Variants in INPP4A observed in about 807,000 individuals in gnomAD.
The protein encoded by INPP4A is inositol polyphosphate-4-phosphatase, type I, 107kD.
INPP4A carries 33 observed loss-of-function variants against 119.8 expected under a neutral mutation model. The ratio of observed to expected loss-of-function variants is 0.28; its 90% CI spans 0.21 to 0.37. The LOEUF is 0.37. Among genes scored for constraint, INPP4A ranks in the 10% least tolerant of loss-of-function variants. The pLI, the probability that INPP4A is intolerant of heterozygous loss-of-function variation, is 1.00. For synonymous variants in INPP4A, 496 were observed against 500.7 expected, an observed-to-expected ratio of 0.99 and a Z score of 0.12; for missense variants, 956 against 1,289.9, an observed-to-expected ratio of 0.74 and a Z score of 3.97.
In INPP4A at chr2:98,555,620, A is replaced by G. The variant is rs771101867; in HGVS notation, c.1634A>G (p.Gln545Arg). The G allele has an allele frequency of 6.2e-7, 1 of 1,608,150 alleles. No homozygotes were observed. The highest frequency in any genetic ancestry group is 8.5e-7 in the Non-Finnish European group (1 of 1,176,590). Residue 545 changes from glutamine to arginine, a missense_variant, in exon 16 of 25, where the codon CAG (glutamine) becomes CGG (arginine). Physicochemically the swap from Gln to Arg is conservative, Grantham distance 43. Transcript: ENST00000409851. ...ATTCAGCGTGTGGACAAGCTGCTGC[A>G]GAAGGAGCGGCTGCATGGCGAGGGC... ...CIIQRVDKLL[Q>R]KERLHGEGCE...
chr2:98,488,451 A>G (rs1050045623), intron 1 of INPP4A, among the ~76,000 whole-genome samples: 1 of 152,138 alleles, frequency 6.6e-6, no homozygotes, highest in African/African-American at 2.4e-5. Flanking sequence ...CTTTACCCAC[A>G]CAGTTTTCTA....
intron 10 of INPP4A, among the ~76,000 whole-genome samples, chr2:98,542,929 CTT>C (rs200671855): frequency 4.1e-5 from 6 of 145,546 alleles, no homozygotes; most frequent in African/African-American, 7.5e-5. Flanking sequence ...CAGCTCCTCT[CTT>C]TTTTTTTTTT....
chr2:98,454,328 A>G (rs956303623), intron 1 of INPP4A, among the ~76,000 whole-genome samples: 1 of 152,162 alleles, frequency 6.6e-6, no homozygotes, highest in Non-Finnish European at 1.5e-5. Flanking sequence ...TATTTAATGC[A>G]GGCGCTAGTC....
intron 1 of INPP4A, among the ~76,000 whole-genome samples, chr2:98,489,703 CTCT>C (rs1680307078): frequency 6.6e-6 from 1 of 152,292 alleles, no homozygotes; most frequent in Admixed American, 6.5e-5. Flanking sequence ...ACTCTGCTTC[CTCT>C]TCTTCTGGAG....
Position 98,446,395 on chromosome 2 carries a change from A to G in INPP4A, c.-166+1310A>G, listed in dbSNP as rs540762928. On this transcript the variant is annotated intron_variant, in intron 1 of 24. Transcript: ENST00000409851. ...TGTTTTCTTTGAAGAAAGATGAATG[A>G]TGGGGCCCATGTAAGAAGGGCAGTG... Among the ~76,000 whole-genome samples the G allele has an allele frequency of 4.6e-5, 7 of 152,070 alleles. No individual in the cohort carries two copies. In the East Asian group the frequency reaches 1.4e-3, roughly 29 times the overall value.
intron 22 of INPP4A, among the ~76,000 whole-genome samples, chr2:98,572,335 G>A (rs1052362494): frequency 1.3e-5 from 2 of 152,232 alleles, no homozygotes; most frequent in African/African-American, 4.8e-5. Flanking sequence ...GTCCCGCAGA[G>A]ATGTGTTCTC....
Position 98,566,309 on chromosome 2 carries a change from C to A in INPP4A, c.2420+140C>A. ...CCTTTGGCCAACATTTTCATCATGG[C>A]CGTGCACCTCACTGTCTTTGGTGCT... On this transcript the variant is annotated intron_variant, in intron 21 of 24. Transcript: ENST00000409851. This position sits in a 1 kb window ranked among gnomAD's most constrained non-coding sequence, Gnocchi z 4.2. The A allele has an allele frequency of 2.1e-6, 2 of 939,634 alleles. No homozygotes were observed. Among genetic ancestry groups the A allele is most frequent in the African/African-American group, 1.7e-5 (1 of 59,362 alleles). 58.2% of individuals were successfully genotyped at this position (939,634 alleles called of 1,614,324 possible).
chr2:98,464,887 C>T lies in INPP4A; in HGVS notation c.-166+19802C>T, dbSNP rs144275844. ...CTTTTTAGGACAGAATCAACTGAGACGATACACACGAAGGAGCTTTTGTGA... is the reference window on the plus strand; with the variant it reads ...CTTTTTAGGACAGAATCAACTGAGATGATACACACGAAGGAGCTTTTGTGA... On this transcript the variant is annotated intron_variant, in intron 1 of 24. Transcript: ENST00000409851. Among the ~76,000 whole-genome samples the T allele has an allele frequency of 6.4e-4, 98 of 152,318 alleles. 1 individual carries two copies. In the East Asian group the frequency reaches 0.016, roughly 25 times the overall value.
In INPP4A at chr2:98,546,472, C is replaced by T. The variant is rs1212125677; in HGVS notation, c.1055-114C>T. The T allele has an allele frequency of 1.7e-5, 12 of 696,224 alleles. No individual in the cohort carries two copies. The highest frequency in any genetic ancestry group is 1.2e-5 in the Non-Finnish European group (5 of 405,478). 43.1% of individuals were successfully genotyped at this position (696,224 alleles called of 1,614,324 possible). ...GCTGTGGGATCAGGGGAACCAAAGG[C>T]TGTACAGCAGTGGGCTGGAGGGTCA... On this transcript the variant is annotated intron_variant, in intron 12 of 24. Coordinates refer to ENST00000409851, the MANE Select transcript of INPP4A (RefSeq NM_001134225.2). This position sits in a 1 kb window ranked among gnomAD's most constrained non-coding sequence, Gnocchi z 4.2.
intron 24 of INPP4A, 125 bp downstream of exon 24, chr2:98,577,268 C>T (rs1224350564): frequency 6.8e-6 from 7 of 1,033,014 alleles, no homozygotes; most frequent in Non-Finnish European, 1.4e-6. Flanking sequence ...AGCCTTCACA[C>T]TTGAGTTTGA....
At chr2:98,550,057 G>A (rs1053492820) in intron 13 of INPP4A, among the ~76,000 whole-genome samples, 3 of 152,046 alleles carry the variant, frequency 2.0e-5, no homozygotes, top group Non-Finnish European at 4.4e-5. Context: ...CTTTACCAAG[G>A]AGCTGCCCCC....
At chr2:98,549,754 G>A (rs1386758702) in intron 13 of INPP4A, among the ~76,000 whole-genome samples, 1 of 152,058 alleles carries the variant, frequency 6.6e-6, no homozygotes, top group Admixed American at 6.5e-5. Flanking sequence ...GACATTCCCC[G>A]ATGTCCAGGC....
intron 1 of INPP4A, among the ~76,000 whole-genome samples, chr2:98,508,903 G>A (rs994357582): frequency 1.3e-5 from 2 of 152,144 alleles, no homozygotes; most frequent in Non-Finnish European, 2.9e-5. Context: ...GACGAATGAG[G>A]CCTGGTGCGC....
chr2:98,549,097 C>T (rs1323405218), intron 13 of INPP4A: 17 of 737,186 alleles, frequency 2.3e-5, no homozygotes, highest in East Asian at 1.4e-4. Context: ...TAGTTATACA[C>T]CTCATAAACA....
At chr2:98,533,048 T>A (rs967353413) in intron 4 of INPP4A, among the ~76,000 whole-genome samples, 1 of 152,196 alleles carries the variant, frequency 6.6e-6, no homozygotes, top group Non-Finnish European at 1.5e-5. Flanking sequence ...TGGTTAGAGT[T>A]GGAATAGTTA....
At chr2:98,456,993 G>C (rs1034709386) in intron 1 of INPP4A, among the ~76,000 whole-genome samples, 1 of 152,208 alleles carries the variant, frequency 6.6e-6, no homozygotes, top group African/African-American at 2.4e-5. Flanking sequence ...TGGTGAGTGG[G>C]TGGGTTTTTA....
intron 1 of INPP4A, among the ~76,000 whole-genome samples, chr2:98,507,106 T>C (rs1000445119): frequency 1.3e-5 from 2 of 152,174 alleles, no homozygotes; most frequent in Non-Finnish European, 2.9e-5. Flanking sequence ...TTTGACCAAA[T>C]AGCTGGGTGG....
intron 15 of INPP4A, 77 bp from the exon 16 acceptor site, chr2:98,555,476 G>A (rs1413978914): frequency 4.7e-6 from 7 of 1,487,744 alleles, no homozygotes; most frequent in Admixed American, 4.1e-5. Context: ...GGGATCAGTG[G>A]AGGGCGATTT....
At position 98,554,384 on chromosome 2, in the gene INPP4A, G is replaced by A; in HGVS notation, c.1461G>A (p.Glu487=). 1 of 1,613,850 alleles carries A rather than the reference G, an allele frequency of 6.2e-7. No homozygotes were observed. The highest frequency in any genetic ancestry group is 8.5e-7 in the Non-Finnish European group (1 of 1,179,828). Residue 487 remains glutamate, a synonymous_variant, in exon 15 of 25, where the codon GAG becomes GAA. Coordinates refer to ENST00000409851, the MANE Select transcript of INPP4A (RefSeq NM_001134225.2). This position sits in a 1 kb window ranked among gnomAD's most constrained non-coding sequence, Gnocchi z 4.7. ...CCAAGGCCTCTCCCACTTCGACTGA[G>A]GAGGAGCAGGTGATGCTTAGAAATG... ...IASKASPTST[E]EEQVMLRNDQ...
Sources: allele counts gnomAD v4.1 joint callset (sites outside exome capture counted in the v4.1 genomes callset), GRCh38; gene constraint gnomAD v4.1.1; non-coding constraint Gnocchi (gnomAD v3.1); transcripts MANE v1.5; gene names NCBI Gene and HGNC (gene_info 2026-07-23, HGNC 2026-07-21).